The following NEU4 variants were observed in gnomAD, a reference collection of about 807,000 sequenced individuals.
The protein encoded by NEU4 is neuraminidase 4.
In NEU4, 7 loss-of-function variants were observed where a neutral mutation model predicts 9.9. The ratio of observed to expected loss-of-function variants is 0.71; its 90% CI spans 0.40 to 1.33. NEU4 has a LOEUF of 1.33. Ranked by LOEUF, NEU4 falls within the 40% of genes most tolerant of loss-of-function variation. The pLI is 0.01. For synonymous variants in NEU4, 348 were observed against 316.9 expected (o/e 1.10, Z -1.04); for missense variants, 717 against 712.6 (o/e 1.01, Z -0.07).
chr2:241,815,283 G>A, intron 3 of NEU4, 136 bp downstream of exon 3: 2 of 1,217,908 alleles, frequency 1.6e-6, no homozygotes, highest in Non-Finnish European at 2.2e-6. Context: ...CTTTCCCCAG[G>A]ACTGTTCTGC....
chr2:241,811,355 G>C, intron 1 of NEU4: 1 of 1,453,912 alleles, frequency 6.9e-7, no homozygotes, highest in Non-Finnish European at 9.2e-7. Context: ...GCCCTGAGAC[G>C]TGGCCAGCTC....
At chr2:241,811,681 G>A in intron 1 of NEU4, 1 of 404,952 alleles carries the variant, frequency 2.5e-6, no homozygotes, top group Non-Finnish European at 4.4e-6. Flanking sequence ...GGTCCCACAT[G>A]CATCTCCCAA....
Position 241,816,247 on chromosome 2 carries a change from G to A in NEU4, c.654G>A (p.Leu218=), listed in dbSNP as rs1700333063. 3 of 1,608,678 alleles carry A rather than the reference G, an allele frequency of 1.9e-6. No homozygotes were observed. Among genetic ancestry groups the A allele is most frequent in the East Asian group, 2.2e-5 (1 of 44,658 alleles). The change falls in exon 4 of 4, where the codon CTG becomes CTA. Residue 218 remains leucine, a synonymous_variant. Coordinates refer to ENST00000407683, the MANE Select transcript of NEU4 (RefSeq NM_001167600.3). ...TWRCGGLVPN[L]RSGECQLAAV... is the part of the protein sequence containing the mutation. Reference sequence around the variant, plus strand: ...GCTGTGGAGGCCTCGTGCCCAACCTGCGCTCAGGCGAGTGCCAGCTGGCAG... The same window carrying A: ...GCTGTGGAGGCCTCGTGCCCAACCTACGCTCAGGCGAGTGCCAGCTGGCAG...
At chr2:241,814,259 T>G in intron 1 of NEU4, 20 of 614,628 alleles carry the variant, frequency 3.3e-5, no homozygotes, top group Non-Finnish European at 4.8e-5. Flanking sequence ...TCCACAGACA[T>G]TTGGGGTGGA....
chr2:241,811,580 A>G (rs1700118290), intron 1 of NEU4: 1 of 878,866 alleles, frequency 1.1e-6, no homozygotes, highest in Non-Finnish European at 1.6e-6. Flanking sequence ...GGGGTGCTGG[A>G]CGAGTCCCAC....
chr2:241,813,506 C>A, intron 1 of NEU4: 2 of 1,203,192 alleles, frequency 1.7e-6, no homozygotes, highest in South Asian at 1.5e-5. Flanking sequence ...GACTGAGAGA[C>A]CCCCCAGGCA....
chr2:241,809,965 G>C (rs1359210388), intron 1 of NEU4: 1 of 152,688 alleles, frequency 6.5e-6, no homozygotes, highest in Non-Finnish European at 1.5e-5. Context: ...CTGTAAGCCT[G>C]GGTACTTAGG....
At position 241,809,381 on chromosome 2, in the gene NEU4, A is replaced by T. The variant is rs1157103074; in HGVS notation, c.-4+107A>T. ...CAGCCTGTCCGGGCTGTGCATTGAG[A>T]AGGGGCGGTTAAAATGCTGCCACGT... On this transcript the variant is annotated intron_variant, in intron 1 of 3. Transcript: ENST00000407683. 2.5e-5 allele frequency: 14 copies of T among 549,290 alleles called. No homozygotes were observed. The East Asian group carries it at 9.8e-4, about 38-fold the overall frequency. 34.0% of individuals were successfully genotyped at this position (549,290 alleles called of 1,614,324 possible).
intron 3 of NEU4, 162 bp downstream of exon 3, chr2:241,815,309 C>T (rs1324455050): frequency 3.0e-6 from 3 of 1,016,386 alleles, no homozygotes; most frequent in Non-Finnish European, 4.2e-6. Context: ...CCGTCCCAGG[C>T]AAATCCCTCT....
At chr2:241,810,383 G>C (rs13415837) in intron 1 of NEU4, 34,602 of 151,950 alleles carry the variant, frequency 0.23, 4,149 homozygotes, top group Admixed American at 0.32. Context: ...CCTCCCAGCT[G>C]CCCCCAGTAA....
intron 1 of NEU4, among the ~76,000 whole-genome samples, chr2:241,812,739 G>A (rs1377652423): frequency 6.6e-6 from 1 of 152,070 alleles, no homozygotes; most frequent in Non-Finnish European, 1.5e-5. Context: ...CTCTCTGTGG[G>A]CCTCAGTTTC....
intron 1 of NEU4, chr2:241,813,760 C>G: frequency 3.0e-6 from 1 of 336,894 alleles, no homozygotes; most frequent in South Asian, 2.3e-5. Context: ...TCACCAAGCA[C>G]CTGTCCCCTG....
At chr2:241,815,513 T>C (rs1239485352) in intron 3 of NEU4, 1 of 504,262 alleles carries the variant, frequency 2.0e-6, no homozygotes, top group Non-Finnish European at 4.0e-6. Flanking sequence ...CTCTCTCTCA[T>C]CCCCCCCGCT....
chr2:241,815,153 C>A lies in NEU4; in HGVS notation c.457+6C>A. 6.5e-7 allele frequency: 1 copy of A among 1,536,824 alleles called. No homozygotes were observed. The highest frequency in any genetic ancestry group is 8.7e-7 in the Non-Finnish European group (1 of 1,143,384). ...CATCGGTGGTGCCGTGCAGGGTAGG[C>A]GGGCAGGGTGCCGGTCTGGGTCCCT... On this transcript the variant is annotated splice_donor_region_variant and intron_variant, in intron 3 of 3. Transcript: ENST00000407683.
At chr2:241,815,191 G>C in intron 3 of NEU4, 44 bp downstream of exon 3, 1 of 1,493,658 alleles carries the variant, frequency 6.7e-7, no homozygotes, top group Admixed American at 2.2e-5. Context: ...GATTGGCCAC[G>C]GTCCACATGG....
Position 241,816,566 on chromosome 2 carries a change from C to T in NEU4, c.973C>T (p.Arg325Cys), listed in dbSNP as rs763566072. 44 of 1,608,296 alleles carry T rather than the reference C, an allele frequency of 2.7e-5. No individual in the cohort carries two copies. The highest frequency in any genetic ancestry group is 8.9e-5 in the East Asian group (4 of 44,836). ...CCCAGAGGAGGCTGCTGTAGACCCC[C>T]GTGGAGGCCAGGTGCCTGGTGGGCC... is the stretch of plus-strand genomic sequence containing the variant. ...EPPEEAAVDP[R>C]GGQVPGGPFS... Residue 325 changes from arginine (R) to cysteine (C), a missense_variant, in exon 4 of 4, where the codon CGT (arginine) becomes TGT (cysteine). By Grantham distance (180) the Arg-to-Cys change is radical. Coordinates refer to ENST00000407683, the MANE Select transcript of NEU4 (RefSeq NM_001167600.3).
In NEU4 at chr2:241,814,583, G is replaced by A; in HGVS notation, c.99G>A (p.Gly33=). ...RVPSLLPVPP[G]PTLLAFVEQR... is the part of the protein sequence containing the mutation. Reference sequence around the variant, plus strand: ...CCTCGCTGCTCCCCGTGCCCCCCGGGCCCACCCTGCTGGCCTTTGTGGAGC... The same window carrying A: ...CCTCGCTGCTCCCCGTGCCCCCCGGACCCACCCTGCTGGCCTTTGTGGAGC... The change falls in exon 2 of 4, where the codon GGG becomes GGA. Residue 33 remains glycine (G), a synonymous_variant. Coordinates refer to ENST00000407683, the MANE Select transcript of NEU4 (RefSeq NM_001167600.3). The A allele has an allele frequency of 8.1e-6, 13 of 1,612,134 alleles. No homozygotes were observed. Among genetic ancestry groups the A allele is most frequent in the South Asian group, 1.1e-5 (1 of 90,996 alleles).
chr2:241,811,212 C>G (rs3749157), intron 1 of NEU4: 1 of 1,239,096 alleles, frequency 8.1e-7, no homozygotes, highest in Non-Finnish European at 1.0e-6. Context: ...TGTTGAGTGC[C>G]TTGACCTGCA....
chr2:241,810,423 ACG>A (rs1167740235), intron 1 of NEU4: 6 of 151,910 alleles, frequency 3.9e-5, no homozygotes, highest in Admixed American at 3.9e-4. Context: ...ACCTGGAGGG[ACG>A]CGGCAGGTTT....
Sources: gnomAD v4.1 joint callset for allele counts (sites outside exome capture counted in the v4.1 genomes callset) on GRCh38, gnomAD v4.1.1 for gene constraint, MANE v1.5 for transcripts, NCBI Gene and HGNC (gene_info 2026-07-23, HGNC 2026-07-21) for gene names.